Variants in AGAP1 observed in about 807,000 individuals in gnomAD.
AGAP1 encodes arf-GAP with GTPase, ANK repeat and PH domain-containing protein 1.
In AGAP1, 29 loss-of-function variants were observed where a neutral mutation model predicts 105.3. The observed-to-expected ratio is 0.28, with a 90% CI of 0.21 to 0.38. The LOEUF (loss-of-function observed/expected upper bound fraction) is 0.38. AGAP1 is among the 10% of genes least tolerant of loss of function. The pLI, the probability that AGAP1 is intolerant of heterozygous loss-of-function variation, is 1.00. For synonymous variants in AGAP1, 509 were observed against 485.9 expected, an observed-to-expected ratio of 1.05 and a Z score of -0.63; for missense variants, 998 against 1,165.1, an observed-to-expected ratio of 0.86 and a Z score of 2.09.
intron 1 of AGAP1, among the ~76,000 whole-genome samples, chr2:235,653,822 C>G (rs1429023501): frequency 3.3e-5 from 5 of 152,146 alleles, no homozygotes; most frequent in African/African-American, 1.2e-4. Context: ...TTTGGATGGC[C>G]GAGGCAGGCG....
chr2:235,743,703 G>A lies in AGAP1; in HGVS notation c.397-995G>A, dbSNP rs139496302. On this transcript the variant is annotated intron_variant, in intron 4 of 17. Transcript: ENST00000304032. The stretch of plus-strand genomic sequence containing the variant: ...AACCTGTTAAAAACTTAGACCAAAT[G>A]TATTAGAGGTGATAACCTTGGCCAT... 8.7e-4 allele frequency among the ~76,000 whole-genome samples: 133 copies of A among 152,334 alleles called. 1 individual carries two copies. Among genetic ancestry groups the A allele is most frequent in the African/African-American group, 3.0e-3 (125 of 41,578 alleles).
At position 235,723,482 on chromosome 2, in the gene AGAP1, G is replaced by A. The variant is rs367996653; in HGVS notation, c.310+5838G>A. Among the ~76,000 whole-genome samples the A allele has an allele frequency of 1.3e-4, 20 of 152,302 alleles. 1 individual carries two copies. The highest frequency in any genetic ancestry group is 2.4e-4 in the African/African-American group (10 of 41,560). On this transcript the variant is annotated intron_variant, in intron 3 of 17. Transcript: ENST00000304032. This position sits in a 1 kb window ranked among gnomAD's most constrained non-coding sequence, Gnocchi z 6.2. Reference sequence around the variant, plus strand: ...CCCCTGCAGGTGGGGAGAGTGTGGCGTCCTCCTGAGATCTTTTCAGGTTGC... The same window carrying A: ...CCCCTGCAGGTGGGGAGAGTGTGGCATCCTCCTGAGATCTTTTCAGGTTGC...
intron 1 of AGAP1, among the ~76,000 whole-genome samples, chr2:235,605,517 GCAT>G (rs1234545171): frequency 1.3e-5 from 2 of 152,184 alleles, no homozygotes; most frequent in East Asian, 3.9e-4. Context: ...TTGTATCCCG[GCAT>G]CATTTATCTT....
rs776100487 is a variant in AGAP1 at position 235,971,741 on chromosome 2, T to TTTTTTTTA, written c.1645+3121_1645+3122insTTTTATTT. Among the ~76,000 whole-genome samples, 9 of 145,678 alleles carry TTTTTTTTA rather than the reference T, an allele frequency of 6.2e-5. No individual in the cohort carries two copies. Among genetic ancestry groups the TTTTTTTTA allele is most frequent in the African/African-American group, 2.3e-4 (9 of 38,834 alleles). On this transcript the variant is annotated intron_variant, in intron 13 of 17. Transcript: ENST00000304032. This position sits in a 1 kb window ranked among gnomAD's most constrained non-coding sequence, Gnocchi z 4.8. ...ACTAAAGCTAGTTATATATGTTTTA[T>TTTTTTTTA]TTTATTTATTTATTTATTTATTTAT...
Position 235,930,252 on chromosome 2 carries a change from G to A in AGAP1, c.1325-513G>A, listed in dbSNP as rs556707885. Among the ~76,000 whole-genome samples the A allele has an allele frequency of 2.6e-5, 4 of 151,456 alleles. No individual in the cohort carries two copies. Among genetic ancestry groups the A allele is most frequent in the African/African-American group, 4.8e-5 (2 of 41,358 alleles). On this transcript the variant is annotated intron_variant, in intron 11 of 17. Transcript: ENST00000304032. The surrounding 1 kb of genome is among the most constrained non-coding windows in gnomAD (Gnocchi z 7.9). Reference sequence around the variant, plus strand: ...TGGTTGAAGAGCCTGCATTTCCTCCGTGTCGTGTCTAGGGACTTTGATTTG... The same window carrying A: ...TGGTTGAAGAGCCTGCATTTCCTCCATGTCGTGTCTAGGGACTTTGATTTG...
At position 235,625,928 on chromosome 2, in the gene AGAP1, G is replaced by T. The variant is rs538159197; in HGVS notation, c.164-83251G>T. ...TTCTTGAAATTCCACACAGAGAAAG[G>T]TGTTTCGGGGAAGTAGAATATTAGC... On this transcript the variant is annotated intron_variant, in intron 1 of 17. Coordinates refer to ENST00000304032, the MANE Select transcript of AGAP1 (RefSeq NM_001037131.3). This position sits in a 1 kb window ranked among gnomAD's most constrained non-coding sequence, Gnocchi z 4.0. Among the ~76,000 whole-genome samples the T allele has an allele frequency of 8.5e-4, 130 of 152,302 alleles. No homozygotes were observed. The highest frequency in any genetic ancestry group is 1.5e-3 in the Non-Finnish European group (102 of 68,032).
chr2:236,021,466 C>T (rs2056881814), intron 13 of AGAP1, among the ~76,000 whole-genome samples: 2 of 152,162 alleles, frequency 1.3e-5, no homozygotes, highest in Admixed American at 1.3e-4. Context: ...CATGGCCGTG[C>T]TCACTTATTC....
At position 235,842,112 on chromosome 2, in the gene AGAP1, C is replaced by T. The variant is rs989161307; in HGVS notation, c.1050+34781C>T. On this transcript the variant is annotated intron_variant, in intron 9 of 17. Transcript: ENST00000304032. This position sits in a 1 kb window ranked among gnomAD's most constrained non-coding sequence, Gnocchi z 5.3. ...AGCCCAGGCTCACTCCATGGCTGCC[C>T]CTCTCCCCAGCCTGCTGGCGTTGGG... Among the ~76,000 whole-genome samples, 6 of 152,172 alleles carry T rather than the reference C, an allele frequency of 3.9e-5. No homozygotes were observed. Among genetic ancestry groups the T allele is most frequent in the African/African-American group, 1.4e-4 (6 of 41,430 alleles).
At chr2:235,803,144 G>A (rs1383010086) in intron 8 of AGAP1, among the ~76,000 whole-genome samples, 2 of 145,460 alleles carry the variant, frequency 1.4e-5, no homozygotes, top group East Asian at 2.0e-4. Flanking sequence ...TGATGGTGAT[G>A]GTCATGATGG....
chr2:235,526,455 C>G (rs1234318551), intron 1 of AGAP1, among the ~76,000 whole-genome samples: 1 of 152,196 alleles, frequency 6.6e-6, no homozygotes, highest in Non-Finnish European at 1.5e-5. Flanking sequence ...ATAACTCACA[C>G]CTGTTTACTT....
chr2:235,592,784 G>A (rs557140481), intron 1 of AGAP1, among the ~76,000 whole-genome samples: 4 of 152,294 alleles, frequency 2.6e-5, no homozygotes, highest in Non-Finnish European at 5.9e-5. Context: ...CTAAAGCTGT[G>A]CCCTTGCAGG....
At chr2:235,657,445 C>T (rs1266401784) in intron 1 of AGAP1, among the ~76,000 whole-genome samples, 3 of 152,126 alleles carry the variant, frequency 2.0e-5, no homozygotes, top group Non-Finnish European at 4.4e-5. Flanking sequence ...ATGGCGCCAC[C>T]TCGGCTCACT....
In AGAP1 at chr2:236,069,254, A is replaced by G. The variant is rs148658708; in HGVS notation, c.2114+19973A>G. On this transcript the variant is annotated intron_variant, in intron 16 of 17. Coordinates refer to ENST00000304032, the MANE Select transcript of AGAP1 (RefSeq NM_001037131.3). ...TATAAAATACATGATTTTGTCGTGT[A>G]CACGTGACAATGCAATGTAAATATA... Among the ~76,000 whole-genome samples the G allele has an allele frequency of 1.4e-4, 21 of 152,322 alleles. 1 individual carries two copies. In the East Asian group the frequency reaches 4.0e-3, roughly 29 times the overall value.
rs939997299 is a variant in AGAP1, at chr2:236,053,548, A to G, written c.2114+4267A>G. Among the ~76,000 whole-genome samples the G allele has an allele frequency of 6.6e-6, 1 of 152,218 alleles. No homozygotes were observed. Among genetic ancestry groups the G allele is most frequent in the Non-Finnish European group, 1.5e-5 (1 of 68,038 alleles). ...TTTGGGATTGGCTGCAGTGCAAGTG[A>G]TTTCCTAGCAGGACGGAGCAGAGCC... On this transcript the variant is annotated intron_variant, in intron 16 of 17. Coordinates refer to ENST00000304032, the MANE Select transcript of AGAP1 (RefSeq NM_001037131.3). The surrounding 1 kb of genome is among the most constrained non-coding windows in gnomAD (Gnocchi z 4.6).
chr2:235,832,170 T>C (rs1959496142), intron 9 of AGAP1, among the ~76,000 whole-genome samples: 1 of 152,208 alleles, frequency 6.6e-6, no homozygotes, highest in Admixed American at 6.5e-5. Flanking sequence ...CACTTTCTTA[T>C]TGTTGATTTT....
chr2:235,921,632 A>G (rs544847462), intron 11 of AGAP1, among the ~76,000 whole-genome samples: 11 of 152,194 alleles, frequency 7.2e-5, no homozygotes, highest in Non-Finnish European at 1.3e-4. Context: ...TACATCTGTC[A>G]TTGTGACTAG....
intron 10 of AGAP1, among the ~76,000 whole-genome samples, chr2:235,898,116 G>T (rs1244216589): frequency 2.6e-5 from 4 of 152,306 alleles, no homozygotes; most frequent in Middle Eastern, 3.4e-3. Context: ...AGGCTAAGCT[G>T]CGAAGTAAAT....
chr2:235,756,979 T>C (rs1464096919), intron 6 of AGAP1, among the ~76,000 whole-genome samples: 1 of 151,910 alleles, frequency 6.6e-6, no homozygotes, highest in Non-Finnish European at 1.5e-5. Flanking sequence ...CTTGCATGCA[T>C]TTTCTGAACC....
chr2:235,674,555 A>G, intron 1 of AGAP1, among the ~76,000 whole-genome samples: 1 of 152,178 alleles, frequency 6.6e-6, no homozygotes, highest in Non-Finnish European at 1.5e-5. Flanking sequence ...AAAGTGATTC[A>G]TTGATACCTC....
Sources: gnomAD v4.1 joint callset for allele counts (sites outside exome capture counted in the v4.1 genomes callset) on GRCh38, gnomAD v4.1.1 for gene constraint, Gnocchi (gnomAD v3.1) non-coding constraint, MANE v1.5 for transcripts, NCBI Gene and HGNC (gene_info 2026-07-23, HGNC 2026-07-21) for gene names.